The following PLA2G2C variants were observed in gnomAD, a reference collection of about 807,000 sequenced individuals.
PLA2G2C encodes phospholipase A2 group IIC.
A neutral mutation model predicts 14.3 loss-of-function variants in PLA2G2C; 15 were observed. The ratio of observed to expected loss-of-function variants is 1.05; its 90% CI spans 0.70 to 1.62. The LOEUF (loss-of-function observed/expected upper bound fraction) is 1.62, where lower values mean the gene tolerates loss of function less well. PLA2G2C is among the 40% of genes most tolerant of loss of function. The pLI is 0.00. For missense variants in PLA2G2C, 162 were observed against 173.2 expected (o/e 0.94, Z 0.36); for synonymous variants, 79 against 67.7 (o/e 1.17, Z -0.82).
intron 2 of PLA2G2C, among the ~76,000 whole-genome samples, chr1:20,177,002 C>T (rs766831708): frequency 3.9e-5 from 6 of 152,124 alleles, no homozygotes; most frequent in Non-Finnish European, 7.3e-5. Flanking sequence ...TCCAAATGGC[C>T]TTAAATAAAG....
At chr1:20,174,954 A>G in intron 3 of PLA2G2C, 53 bp downstream of exon 3, 1 of 1,524,414 alleles carries the variant, frequency 6.6e-7, no homozygotes, top group Non-Finnish European at 8.9e-7. Flanking sequence ...GGCTTTGAGC[A>G]TGAACTTTAA....
chr1:20,165,146 C>T (rs2017954626), intron 4 of PLA2G2C, among the ~76,000 whole-genome samples: 2 of 152,224 alleles, frequency 1.3e-5, no homozygotes, highest in African/African-American at 4.8e-5. Context: ...GCTCTGGGCA[C>T]ACCAGCCTGT....
In PLA2G2C at chr1:20,177,404, C is replaced by A; in HGVS notation, c.-41G>T. 1 of 655,294 alleles carries A rather than the reference C, an allele frequency of 1.5e-6. No individual in the cohort carries two copies. Among genetic ancestry groups the A allele is most frequent in the Non-Finnish European group, 2.7e-6 (1 of 364,384 alleles). 40.6% of individuals were successfully genotyped at this position (655,294 alleles called of 1,614,324 possible). A position where few individuals can be genotyped will look rare whatever the true frequency, so the allele number is the denominator to read the frequency against. On this transcript the variant is annotated 5_prime_UTR_variant, in exon 2 of 5. The change creates a new upstream start codon in the 5' untranslated region. Transcript: ENST00000679259. ...GGGGTCTGAGGTTCTACAGCCACGCCTTCACCTGTGTGTGAGGGGTCTCCC... is the reference window on the plus strand; with the variant it reads ...GGGGTCTGAGGTTCTACAGCCACGCATTCACCTGTGTGTGAGGGGTCTCCC...
chr1:20,186,251 C>G (rs1356459851), intron 1 of PLA2G2C, 109 bp downstream of exon 1: 2 of 152,276 alleles, frequency 1.3e-5, no homozygotes, highest in Non-Finnish European at 2.9e-5. Context: ...GCACATCACC[C>G]GGGAGGGCCT....
At chr1:20,183,680 C>T (rs776338705) in intron 1 of PLA2G2C, among the ~76,000 whole-genome samples, 3 of 152,064 alleles carry the variant, frequency 2.0e-5, no homozygotes, top group Non-Finnish European at 2.9e-5. Context: ...AAGGGCTTCA[C>T]GGAAGAGGTG....
In PLA2G2C at chr1:20,175,078, G is replaced by T. The variant is rs747786520; in HGVS notation, c.108C>A (p.Phe36Leu). ...AGCAGCCATATCCGTAATATGAGAAGAAGGCACTTCGCCCCGTGATGTGTT... is the reference window on the plus strand; with the variant it reads ...AGCAGCCATATCCGTAATATGAGAATAAGGCACTTCGCCCCGTGATGTGTT... ...RVKHITGRSA[F>L]FSYYGYGCYC... The change falls in exon 3 of 5, where the codon TTC becomes TTA. Residue 36 changes from phenylalanine (F) to leucine (L), a missense_variant. Physicochemically the swap from Phe to Leu is conservative, Grantham distance 22. Coordinates refer to ENST00000679259, the MANE Select transcript of PLA2G2C (RefSeq NM_001367969.2). The T allele has an allele frequency of 6.2e-7, 1 of 1,613,974 alleles. No individual in the cohort carries two copies. The highest frequency in any genetic ancestry group is 2.2e-5 in the East Asian group (1 of 44,888).
intron 1 of PLA2G2C, among the ~76,000 whole-genome samples, chr1:20,182,704 T>G (rs1314089220): frequency 6.6e-6 from 1 of 152,264 alleles, no homozygotes; most frequent in African/African-American, 2.4e-5. Context: ...AATATCCACC[T>G]GGTTCACCTT....
chr1:20,169,813 C>G lies in PLA2G2C; in HGVS notation c.283+2981G>C, dbSNP rs144675459. 2.9e-3 allele frequency among the ~76,000 whole-genome samples: 448 copies of G among 152,288 alleles called. 3 individuals are homozygous for G. The highest frequency in any genetic ancestry group is 4.0e-3 in the Non-Finnish European group (269 of 68,022). ...AGCTGGAATTAGACCCAGTGTTGCC[C>G]GACTCTGAGGCTTCTCAGCAGGAAC... On this transcript the variant is annotated intron_variant, in intron 4 of 4. Coordinates refer to ENST00000679259, the MANE Select transcript of PLA2G2C (RefSeq NM_001367969.2).
chr1:20,167,272 G>T (rs1275347887), intron 4 of PLA2G2C, among the ~76,000 whole-genome samples: 1 of 152,122 alleles, frequency 6.6e-6, no homozygotes. Flanking sequence ...CAATAAGCAC[G>T]TGTCCACCTG....
intron 2 of PLA2G2C, 33 bp from the exon 3 acceptor site, chr1:20,175,178 G>A (rs772046163): frequency 6.2e-7 from 1 of 1,613,750 alleles, no homozygotes; most frequent in Non-Finnish European, 8.5e-7. Context: ...AAGGAAGAAG[G>A]AAGTTGCAAT....
At position 20,175,058 on chromosome 1, in the gene PLA2G2C, C is replaced by G; in HGVS notation, c.128G>C (p.Gly43Ala). ...RSAFFSYYGY[G>A]CYCGLGDKGI... is the part of the protein sequence containing the mutation. ...TTTATCCCCAAGCCCACAGTAGCAG[C>G]CATATCCGTAATATGAGAAGAAGGC... Residue 43 changes from glycine to alanine, a missense_variant, in exon 3 of 5, where the codon GGC becomes GCC. Coordinates refer to ENST00000679259, the MANE Select transcript of PLA2G2C (RefSeq NM_001367969.2). The G allele has an allele frequency of 6.2e-7, 1 of 1,614,032 alleles. No individual in the cohort carries two copies. Among genetic ancestry groups the G allele is most frequent in the Non-Finnish European group, 8.5e-7 (1 of 1,179,914 alleles).
At chr1:20,174,976 T>C (rs374214252) in intron 3 of PLA2G2C, 31 bp downstream of exon 3, 5 of 1,576,390 alleles carry the variant, frequency 3.2e-6, no homozygotes, top group Non-Finnish European at 4.3e-6. Flanking sequence ...GCAAAACAAA[T>C]GATAAGTGGC....
intron 1 of PLA2G2C, among the ~76,000 whole-genome samples, chr1:20,182,839 T>C (rs1012429314): frequency 6.6e-6 from 1 of 152,204 alleles, no homozygotes; most frequent in Admixed American, 6.5e-5. Flanking sequence ...CCAAACACTC[T>C]GTGGGGACAA....
rs566046225 is a variant in PLA2G2C, at chr1:20,181,335, C to T, written c.-76-3896G>A. Among the ~76,000 whole-genome samples the T allele has an allele frequency of 7.9e-5, 12 of 152,206 alleles. No homozygotes were observed. In the South Asian group the frequency reaches 2.5e-3, roughly 32 times the overall value. On this transcript the variant is annotated intron_variant, in intron 1 of 4. Coordinates refer to ENST00000679259, the MANE Select transcript of PLA2G2C (RefSeq NM_001367969.2). ...TTGAGTACCAACAGGAGGCTAAGCACAGGATGTGAATTAGGATTCTCCTTG... is the reference window on the plus strand; with the variant it reads ...TTGAGTACCAACAGGAGGCTAAGCATAGGATGTGAATTAGGATTCTCCTTG...
At chr1:20,167,034 G>A (rs192829880) in intron 4 of PLA2G2C, among the ~76,000 whole-genome samples, 1 of 152,324 alleles carries the variant, frequency 6.6e-6, no homozygotes, top group Non-Finnish European at 1.5e-5. Context: ...GAAAGGAAAG[G>A]AGGGCTTTGG....
At chr1:20,177,766 A>G (rs16823553) in intron 1 of PLA2G2C, among the ~76,000 whole-genome samples, 2,055 of 152,098 alleles carry the variant, frequency 0.014, 50 homozygotes, top group African/African-American at 0.047. Flanking sequence ...TATGTTGTTC[A>G]TAATAGAAAT....
At chr1:20,173,000 G>A in intron 3 of PLA2G2C, 103 bp from the exon 4 acceptor site, 1 of 767,512 alleles carries the variant, frequency 1.3e-6, no homozygotes, top group Non-Finnish European at 2.1e-6. Flanking sequence ...AAGGTGAGGA[G>A]GTGAATTATC....
At chr1:20,177,799 G>T (rs1387843546) in intron 1 of PLA2G2C, among the ~76,000 whole-genome samples, 1 of 152,092 alleles carries the variant, frequency 6.6e-6, no homozygotes, top group East Asian at 1.9e-4. Context: ...TTCCTAGCTT[G>T]GTTTGCATCT....
At position 20,163,169 on chromosome 1, in the gene PLA2G2C, C is replaced by G. The variant is rs1249262148; in HGVS notation, c.*822G>C. 6.6e-6 allele frequency: 1 copy of G among 152,248 alleles called. No homozygotes were observed. Among genetic ancestry groups the G allele is most frequent in the African/African-American group, 2.4e-5 (1 of 41,452 alleles). The allele number at this position is 152,248 out of a possible 1,614,324, so 9.4% of individuals were successfully genotyped here. On this transcript the variant is annotated 3_prime_UTR_variant, in exon 5 of 5. Transcript: ENST00000679259. Reference sequence around the variant, plus strand: ...CCAGGTTCCCTCACACATCTGTAGTCAGCTACAAGCTGAGTCTCGCTGAGC... The same window carrying G: ...CCAGGTTCCCTCACACATCTGTAGTGAGCTACAAGCTGAGTCTCGCTGAGC...
Sources: allele counts gnomAD v4.1 joint callset (sites outside exome capture counted in the v4.1 genomes callset), GRCh38; gene constraint gnomAD v4.1.1; transcripts MANE v1.5; gene names NCBI Gene and HGNC (gene_info 2026-07-23, HGNC 2026-07-21).